NME7: variants seen among roughly 807,000 people sequenced by gnomAD.
NME7 encodes the protein NME/NM23 family member 7, also known as nucleoside diphosphate kinase 7.
Under a neutral mutation model 49.1 loss-of-function variants are expected in NME7, and 41 were observed. That is an observed-to-expected ratio of 0.83 (90% CI 0.65 to 1.08). NME7 has a LOEUF of 1.08. NME7 is among the 50% of genes least tolerant of loss of function. The pLI is 0.00. For missense variants in NME7, 423 were observed against 463.4 expected, an observed-to-expected ratio of 0.91 and a Z score of 0.80; for synonymous variants, 139 against 150.6, an observed-to-expected ratio of 0.92 and a Z score of 0.56.
At chr1:169,367,012 T>C (rs1653891762) in intron 1 of NME7, among the ~76,000 whole-genome samples, 1 of 152,094 alleles carries the variant, frequency 6.6e-6, no homozygotes, top group Admixed American at 6.5e-5. Flanking sequence ...TAGGGGTGAA[T>C]TAAAATAACC....
chr1:169,218,149 T>G (rs1661025139), intron 10 of NME7, among the ~76,000 whole-genome samples: 2 of 152,210 alleles, frequency 1.3e-5, no homozygotes, highest in Non-Finnish European at 1.5e-5. Flanking sequence ...TTAACTGCTT[T>G]TTTCCCTTTT....
At chr1:169,197,082 T>G (rs1351608288) in intron 10 of NME7, among the ~76,000 whole-genome samples, 1 of 152,184 alleles carries the variant, frequency 6.6e-6, no homozygotes, top group Non-Finnish European at 1.5e-5. Flanking sequence ...TTCATGATTC[T>G]GTTTTTTCAT....
intron 3 of NME7, among the ~76,000 whole-genome samples, chr1:169,313,499 G>A (rs1229698338): frequency 6.6e-6 from 1 of 152,142 alleles, no homozygotes; most frequent in Non-Finnish European, 1.5e-5. Context: ...GACTGCTAAT[G>A]CCTATGGGAA....
intron 11 of NME7, among the ~76,000 whole-genome samples, chr1:169,139,976 T>C (rs1658542060): frequency 6.6e-6 from 1 of 152,248 alleles, no homozygotes; most frequent in Non-Finnish European, 1.5e-5. Flanking sequence ...TGTACCTTGA[T>C]AATAGTATCG....
At chr1:169,255,218 T>C (rs1386532526) in intron 7 of NME7, among the ~76,000 whole-genome samples, 1 of 137,392 alleles carries the variant, frequency 7.3e-6, no homozygotes, top group Non-Finnish European at 1.7e-5. Context: ...TGTAGGTCAC[T>C]CAGGACTTGC....
rs1344751072 is a variant in NME7, at chr1:169,274,983, G to GT, written c.754+12319dup. Reference sequence around the variant, plus strand: ...TTGGTTCCATATGAAATTTAAAGTAGTTTTTTCCAATTCTGTGAAGAAAGG... The same window carrying GT: ...TTGGTTCCATATGAAATTTAAAGTAGTTTTTTTCCAATTCTGTGAAGAAAGG... On this transcript the variant is annotated intron_variant, in intron 7 of 11. Transcript: ENST00000367811. Among the ~76,000 whole-genome samples the GT allele has an allele frequency of 1.5e-5, 2 of 132,692 alleles. 1 individual carries two copies. Among genetic ancestry groups the GT allele is most frequent in the Non-Finnish European group, 3.5e-5 (2 of 56,670 alleles). The allele number at this position is 132,692 out of a possible 152,430, so 87.1% of individuals were successfully genotyped here. A position where few individuals can be genotyped will look rare whatever the true frequency, so the allele number is the denominator to read the frequency against.
chr1:169,240,024 C>T (rs1456214553), intron 7 of NME7, among the ~76,000 whole-genome samples: 2 of 151,774 alleles, frequency 1.3e-5, no homozygotes, highest in South Asian at 2.1e-4. Context: ...GTACTGAAGA[C>T]CTTTATATAG....
intron 1 of NME7, among the ~76,000 whole-genome samples, chr1:169,328,152 T>C (rs1299455539): frequency 2.0e-5 from 3 of 152,048 alleles, no homozygotes; most frequent in Non-Finnish European, 4.4e-5. Context: ...GGCCCTGAAA[T>C]GTGTTGCTTA....
At chr1:169,187,032 A>G (rs1660084640) in intron 10 of NME7, among the ~76,000 whole-genome samples, 2 of 152,128 alleles carry the variant, frequency 1.3e-5, no homozygotes, top group Admixed American at 1.3e-4. Flanking sequence ...GTAGTCATTC[A>G]GGAGCAGGTT....
In NME7 at chr1:169,263,375, GA is replaced by G. The variant is rs1319311902; in HGVS notation, c.754+23927del. 3.0e-5 allele frequency among the ~76,000 whole-genome samples: 4 copies of G among 133,614 alleles called. 2 individuals carry two copies. The highest frequency in any genetic ancestry group is 7.0e-5 in the Non-Finnish European group (4 of 56,838). 87.7% of individuals were successfully genotyped at this position (133,614 alleles called of 152,430 possible). A position where few individuals can be genotyped will look rare whatever the true frequency, so the allele number is the denominator to read the frequency against. On this transcript the variant is annotated intron_variant, in intron 7 of 11. Transcript: ENST00000367811. ...TAAGAATCACAATAAAACAATACAG[GA>G]GATGAAAGTCAAAATAGCTCATATA...
chr1:169,181,568 T>C (rs1323654952), intron 10 of NME7, among the ~76,000 whole-genome samples: 1 of 152,104 alleles, frequency 6.6e-6, no homozygotes, highest in Non-Finnish European at 1.5e-5. Context: ...CTTTCTCTTT[T>C]CAAGTTTATT....
At chr1:169,243,974 T>C (rs1159274291) in intron 7 of NME7, among the ~76,000 whole-genome samples, 1 of 152,098 alleles carries the variant, frequency 6.6e-6, no homozygotes, top group Non-Finnish European at 1.5e-5. Context: ...AAGATTATAT[T>C]ATAATAAAAT....
chr1:169,240,609 G>A lies in NME7; in HGVS notation c.755-2922C>T, dbSNP rs575231291. On this transcript the variant is annotated intron_variant, in intron 7 of 11. Coordinates refer to ENST00000367811, the MANE Select transcript of NME7 (RefSeq NM_013330.5). ...CACTGGTCTATCTTGTATGTACTTC[G>A]AATGAAACTATGATATGACTCAGAC... Among the ~76,000 whole-genome samples, 7 of 151,762 alleles carry A rather than the reference G, an allele frequency of 4.6e-5. No individual in the cohort carries two copies. In the East Asian group the frequency reaches 9.7e-4, roughly 21 times the overall value.
intron 11 of NME7, among the ~76,000 whole-genome samples, chr1:169,143,956 C>T (rs1658681474): frequency 6.6e-6 from 1 of 152,086 alleles, no homozygotes; most frequent in African/African-American, 2.4e-5. Flanking sequence ...AATACATCCA[C>T]AACATTTTGC....
chr1:169,219,585 AGATAG>A (rs1308455636), intron 10 of NME7, among the ~76,000 whole-genome samples: 1 of 152,102 alleles, frequency 6.6e-6, no homozygotes, highest in East Asian at 1.9e-4. Context: ...TTATGACTTG[AGATAG>A]GATCTCACTG....
At chr1:169,214,210 A>T (rs1047491997) in intron 10 of NME7, among the ~76,000 whole-genome samples, 6 of 152,368 alleles carry the variant, frequency 3.9e-5, no homozygotes, top group African/African-American at 1.4e-4. Flanking sequence ...AAGGGAGCTT[A>T]TATCATGGAT....
intron 11 of NME7, among the ~76,000 whole-genome samples, chr1:169,161,940 C>A (rs1659258869): frequency 1.3e-5 from 2 of 148,736 alleles, no homozygotes; most frequent in South Asian, 4.3e-4. Context: ...TATCGTAAAA[C>A]CTAAGATTGG....
At chr1:169,158,779 C>G (rs1283765584) in intron 11 of NME7, among the ~76,000 whole-genome samples, 1 of 152,086 alleles carries the variant, frequency 6.6e-6, no homozygotes, top group Non-Finnish European at 1.5e-5. Flanking sequence ...CAGTGGACCC[C>G]GAGAATTTCA....
chr1:169,156,673 T>C (rs1291200726), intron 11 of NME7, among the ~76,000 whole-genome samples: 2 of 152,196 alleles, frequency 1.3e-5, no homozygotes, highest in Admixed American at 1.3e-4. Context: ...TGAAGAAAGG[T>C]GGAGCTGGCA....
Sources: gnomAD v4.1 joint callset for allele counts (sites outside exome capture counted in the v4.1 genomes callset) on GRCh38, gnomAD v4.1.1 for gene constraint, MANE v1.5 for transcripts, NCBI Gene and HGNC (gene_info 2026-07-23, HGNC 2026-07-21) for gene names.